SLC24A2: variants seen among roughly 807,000 people sequenced by gnomAD.
SLC24A2 encodes the protein solute carrier family 24 member 2, also known as sodium/potassium/calcium exchanger 2.
A neutral mutation model predicts 62.0 loss-of-function variants in SLC24A2; 36 were observed. That is an observed-to-expected ratio of 0.58 (90% confidence interval 0.44 to 0.77). The LOEUF (loss-of-function observed/expected upper bound fraction) is 0.77. SLC24A2 is among the 30% of genes least tolerant of loss of function. The probability of loss-of-function intolerance (pLI) is 0.00; values close to 1 mark genes in which losing one functional copy is unlikely to be tolerated. For missense variants in SLC24A2, 846 were observed against 817.9 expected, an observed-to-expected ratio of 1.03 and a Z score of -0.42; for synonymous variants, 358 against 294.0, an observed-to-expected ratio of 1.22 and a Z score of -2.23.
chr9:20,195,262 TAAC>T, the SLC24A2 span, among the ~76,000 whole-genome samples: 12 of 152,212 alleles, frequency 7.9e-5, no homozygotes, highest in African/African-American at 2.9e-4. Flanking sequence ...CTTAATATAA[TAAC>T]TATTATTTAT....
chr9:19,709,136 CA>C (rs916105738), intron 2 of SLC24A2, among the ~76,000 whole-genome samples: 3 of 151,886 alleles, frequency 2.0e-5, no homozygotes, highest in African/African-American at 7.3e-5. Flanking sequence ...TTTATGCAGC[CA>C]AAAAACACAT....
intron 2 of SLC24A2, among the ~76,000 whole-genome samples, chr9:19,665,199 C>T (rs1819214553): frequency 6.6e-6 from 1 of 152,098 alleles, no homozygotes; most frequent in South Asian, 2.1e-4. Context: ...AGGCATGGCC[C>T]TGGATAAAGG....
the SLC24A2 span, among the ~76,000 whole-genome samples, chr9:20,085,023 T>C: frequency 6.6e-6 from 1 of 152,126 alleles, no homozygotes; most frequent in Non-Finnish European, 1.5e-5. Flanking sequence ...TGAGACAGGG[T>C]CTCACTCTGT....
chr9:20,215,864 G>A, the SLC24A2 span, among the ~76,000 whole-genome samples: 6 of 151,814 alleles, frequency 4.0e-5, no homozygotes, highest in East Asian at 9.7e-4. Context: ...GAAAATAAGT[G>A]AGTCCACCAC....
chr9:19,771,376 A>G (rs970288325), intron 2 of SLC24A2, among the ~76,000 whole-genome samples: 5 of 152,172 alleles, frequency 3.3e-5, no homozygotes, highest in Non-Finnish European at 5.9e-5. Flanking sequence ...ATGTTTCCTA[A>G]GCCTGTTCTC....
chr9:20,184,738 A>C, the SLC24A2 span, among the ~76,000 whole-genome samples: 1 of 152,174 alleles, frequency 6.6e-6, no homozygotes, highest in Non-Finnish European at 1.5e-5. Flanking sequence ...GTGATCCAGC[A>C]ATCTCACTGC....
intron 2 of SLC24A2, among the ~76,000 whole-genome samples, chr9:19,670,332 T>C (rs34256552): frequency 0.21 from 32,241 of 152,140 alleles, 3,524 homozygotes; most frequent in Middle Eastern, 0.24. Flanking sequence ...AGCTTCCAAA[T>C]ATAACTATAG....
At chr9:20,034,431 T>C in the SLC24A2 span, among the ~76,000 whole-genome samples, 1 of 151,568 alleles carries the variant, frequency 6.6e-6, no homozygotes, top group Non-Finnish European at 1.5e-5. Flanking sequence ...GTACTTATTT[T>C]AAACACTCTG....
the SLC24A2 span, among the ~76,000 whole-genome samples, chr9:20,279,078 A>T: frequency 6.6e-6 from 1 of 152,122 alleles, no homozygotes; most frequent in African/African-American, 2.4e-5. Flanking sequence ...ATCTCATGAT[A>T]CTTATTCACT....
the SLC24A2 span, among the ~76,000 whole-genome samples, chr9:19,956,513 G>A: frequency 1.3e-5 from 2 of 152,282 alleles, no homozygotes; most frequent in South Asian, 2.1e-4. Context: ...AAGAAAAAGA[G>A]GTTTAATGGA....
chr9:20,111,723 C>T, the SLC24A2 span, among the ~76,000 whole-genome samples: 2 of 152,100 alleles, frequency 1.3e-5, no homozygotes, highest in African/African-American at 4.8e-5. Flanking sequence ...TGGTTTAACA[C>T]ATCAGTAGAT....
chr9:19,641,676 G>A (rs377609494), intron 2 of SLC24A2, among the ~76,000 whole-genome samples: 37 of 151,992 alleles, frequency 2.4e-4, no homozygotes, highest in South Asian at 2.3e-3. Context: ...CACCGTGCCC[G>A]GCTAATTTTT....
chr9:19,663,688 C>T (rs138001974), intron 2 of SLC24A2, among the ~76,000 whole-genome samples: 14 of 152,280 alleles, frequency 9.2e-5, no homozygotes, highest in Admixed American at 2.0e-4. Context: ...ATGCTTTCTC[C>T]CTCATTAAGT....
At chr9:19,795,182 C>T in the SLC24A2 span, among the ~76,000 whole-genome samples, 2 of 152,202 alleles carry the variant, frequency 1.3e-5, no homozygotes, top group Non-Finnish European at 2.9e-5. Context: ...TCCTCCATCT[C>T]CTCCATACAG....
At chr9:19,837,758 T>G in the SLC24A2 span, among the ~76,000 whole-genome samples, 1 of 152,010 alleles carries the variant, frequency 6.6e-6, no homozygotes, top group Non-Finnish European at 1.5e-5. Context: ...ATCACAAGCA[T>G]TCTTATATAC....
chr9:19,638,118 G>A (rs954554025), intron 2 of SLC24A2, among the ~76,000 whole-genome samples: 1 of 152,130 alleles, frequency 6.6e-6, no homozygotes, highest in Admixed American at 6.5e-5. Flanking sequence ...ATAGCCCAAG[G>A]CCTCAGATGC....
At chr9:20,014,144 G>T in the SLC24A2 span, among the ~76,000 whole-genome samples, 1 of 152,098 alleles carries the variant, frequency 6.6e-6, no homozygotes, top group Non-Finnish European at 1.5e-5. Context: ...GGAGGTCAAG[G>T]CTGCAGTGAG....
At chr9:20,183,018 A>AT in the SLC24A2 span, among the ~76,000 whole-genome samples, 6 of 152,066 alleles carry the variant, frequency 3.9e-5, no homozygotes, top group Admixed American at 6.6e-5. Flanking sequence ...ATAAGGCAGG[A>AT]TTTTTTTTAA....
intron 2 of SLC24A2, among the ~76,000 whole-genome samples, chr9:19,665,104 C>G (rs1225521434): frequency 6.6e-6 from 1 of 152,156 alleles, no homozygotes; most frequent in Non-Finnish European, 1.5e-5. Flanking sequence ...TCACTCTTAC[C>G]AGTAAGATCC....
Sources: allele counts gnomAD v4.1 joint callset (sites outside exome capture counted in the v4.1 genomes callset), GRCh38; gene constraint gnomAD v4.1.1; transcripts MANE v1.5; gene names NCBI Gene and HGNC (gene_info 2026-07-23, HGNC 2026-07-21).